NFATC3: variants seen among roughly 807,000 people sequenced by gnomAD.
NFATC3 encodes the protein nuclear factor of activated T cells 3, also known as nuclear factor of activated T-cells, cytoplasmic 3.
In NFATC3, 46 loss-of-function variants were observed where a neutral mutation model predicts 98.6. The ratio of observed to expected loss-of-function variants is 0.47; its 90% confidence interval spans 0.37 to 0.60. The LOEUF is 0.60. Ranked by LOEUF, NFATC3 falls within the 20% of genes least tolerant of loss-of-function variation. NFATC3 has a pLI of 0.00. For missense variants in NFATC3, 1,256 were observed against 1,295.5 expected (o/e 0.97, Z 0.47); for synonymous variants, 512 against 472.2 (o/e 1.08, Z -1.09).
intron 9 of NFATC3, among the ~76,000 whole-genome samples, chr16:68,221,910 T>A (rs1433211936): frequency 6.6e-6 from 1 of 152,142 alleles, no homozygotes. Flanking sequence ...CTTATATAAG[T>A]GTACTTGGTA....
intron 1 of NFATC3, among the ~76,000 whole-genome samples, chr16:68,102,374 GAAAAAAAAAAA>G (rs71268472): frequency 4.9e-4 from 15 of 30,908 alleles, no homozygotes; most frequent in South Asian, 4.1e-3. Flanking sequence ...TCCATCTCAG[GAAAAAAAAAAA>G]AAAAAAAAAA....
intron 3 of NFATC3, among the ~76,000 whole-genome samples, chr16:68,154,857 A>C (rs1342139436): frequency 6.6e-6 from 1 of 152,226 alleles, no homozygotes; most frequent in Admixed American, 6.5e-5. Context: ...AATTTGAATT[A>C]GTTCTAAATG....
chr16:68,210,033 C>T (rs2041312921), intron 9 of NFATC3, among the ~76,000 whole-genome samples: 1 of 151,984 alleles, frequency 6.6e-6, no homozygotes, highest in Non-Finnish European at 1.5e-5. Context: ...TGCAGTGGCT[C>T]GCGCCTGTAA....
chr16:68,097,686 A>C (rs1308985589), intron 1 of NFATC3, among the ~76,000 whole-genome samples: 2 of 147,172 alleles, frequency 1.4e-5, no homozygotes, highest in South Asian at 2.2e-4. Flanking sequence ...GGGAAAGCCA[A>C]GGCAGAAGAG....
At chr16:68,141,928 T>G (rs908472159) in intron 3 of NFATC3, among the ~76,000 whole-genome samples, 3 of 152,210 alleles carry the variant, frequency 2.0e-5, no homozygotes, top group Non-Finnish European at 4.4e-5. Flanking sequence ...CCTGTAGGAT[T>G]TTTATGGTTT....
intron 9 of NFATC3, among the ~76,000 whole-genome samples, chr16:68,219,855 C>T (rs553231229): frequency 6.6e-6 from 1 of 152,282 alleles, no homozygotes; most frequent in African/African-American, 2.4e-5. Flanking sequence ...CCCCTCTCTA[C>T]CTGGTTGTGA....
At chr16:68,168,188 T>A (rs2039302058) in intron 5 of NFATC3, among the ~76,000 whole-genome samples, 1 of 149,264 alleles carries the variant, frequency 6.7e-6, no homozygotes, top group South Asian at 2.1e-4. Context: ...TGAGACGGAG[T>A]CTCACTCTCT....
intron 3 of NFATC3, among the ~76,000 whole-genome samples, chr16:68,136,546 G>A (rs1025707007): frequency 5.3e-5 from 8 of 152,152 alleles, no homozygotes; most frequent in African/African-American, 1.9e-4. Flanking sequence ...TAGGATTATA[G>A]GTGTGAGCCA....
chr16:68,121,290 A>T (rs1205122607), intron 1 of NFATC3, among the ~76,000 whole-genome samples: 1 of 126,826 alleles, frequency 7.9e-6, no homozygotes, highest in East Asian at 2.3e-4. Flanking sequence ...TGTGTCACCC[A>T]GGCTGGAGTA....
chr16:68,167,653 A>G (rs912701373), intron 5 of NFATC3, among the ~76,000 whole-genome samples: 2 of 151,964 alleles, frequency 1.3e-5, no homozygotes, highest in Non-Finnish European at 2.9e-5. Flanking sequence ...TTCTGATTCC[A>G]TGTTTTATTT....
intron 5 of NFATC3, among the ~76,000 whole-genome samples, chr16:68,173,781 G>C (rs1025921706): frequency 4.9e-4 from 74 of 152,268 alleles, no homozygotes; most frequent in African/African-American, 1.7e-3. Context: ...AAGCAGATGA[G>C]GTAAATGTGT....
chr16:68,131,459 G>A (rs773708746), intron 3 of NFATC3, among the ~76,000 whole-genome samples: 2 of 151,954 alleles, frequency 1.3e-5, no homozygotes, highest in Non-Finnish European at 2.9e-5. Flanking sequence ...TTGTATTATA[G>A]TAGAGACAGG....
At chr16:68,189,422 G>GA (rs778780231) in intron 8 of NFATC3, 13 of 213,806 alleles carry the variant, frequency 6.1e-5, no homozygotes, top group Non-Finnish European at 1.2e-4. Context: ...GGACACATGG[G>GA]AAAAAAGATT....
At chr16:68,117,183 T>C (rs1010632868) in intron 1 of NFATC3, among the ~76,000 whole-genome samples, 7 of 152,206 alleles carry the variant, frequency 4.6e-5, no homozygotes, top group Non-Finnish European at 1.0e-4. Context: ...TTCAGAGGCT[T>C]GTTTTACTTC....
At chr16:68,175,794 C>G (rs2039668379) in intron 6 of NFATC3, among the ~76,000 whole-genome samples, 1 of 152,124 alleles carries the variant, frequency 6.6e-6, no homozygotes, top group Non-Finnish European at 1.5e-5. Flanking sequence ...CTCTTGACCT[C>G]AAGTGATCTG....
At chr16:68,167,049 G>A in intron 5 of NFATC3, 34 bp downstream of exon 5, 1 of 1,579,516 alleles carries the variant, frequency 6.3e-7, no homozygotes, top group Non-Finnish European at 8.6e-7. Flanking sequence ...TTAAGATCTT[G>A]TGTATAATAG....
chr16:68,098,310 T>A (rs202153784), intron 1 of NFATC3, among the ~76,000 whole-genome samples: 7,442 of 141,098 alleles, frequency 0.053, 234 homozygotes, highest in Middle Eastern at 0.096. Flanking sequence ...ATTTTTTTTT[T>A]TTTTTTTTTA....
intron 3 of NFATC3, among the ~76,000 whole-genome samples, chr16:68,137,048 A>G (rs1174711313): frequency 1.3e-5 from 2 of 152,188 alleles, no homozygotes; most frequent in Admixed American, 6.5e-5. Flanking sequence ...ACTGCTGTAG[A>G]CTTTCTAAGC....
At chr16:68,094,247 T>G (rs533568136) in intron 1 of NFATC3, among the ~76,000 whole-genome samples, 2 of 152,186 alleles carry the variant, frequency 1.3e-5, no homozygotes, top group Non-Finnish European at 2.9e-5. Context: ...CCATGTTGTC[T>G]TGATTAGGGT....
Sources: allele counts gnomAD v4.1 joint callset (sites outside exome capture counted in the v4.1 genomes callset), GRCh38; gene constraint gnomAD v4.1.1; transcripts MANE v1.5; gene names NCBI Gene and HGNC (gene_info 2026-07-23, HGNC 2026-07-21).